The following CHCHD6 variants were observed in gnomAD, a reference collection of about 807,000 sequenced individuals.
The protein encoded by CHCHD6 is coiled-coil-helix-coiled-coil-helix domain containing 6, also known as MICOS complex subunit MIC25.
A neutral mutation model predicts 32.3 loss-of-function variants in CHCHD6; 28 were observed. The observed-to-expected ratio is 0.87, with a 90% CI of 0.64 to 1.19. CHCHD6 has a LOEUF of 1.19. Among genes scored for constraint, CHCHD6 ranks in the 50% most tolerant of loss-of-function variants. CHCHD6 has a pLI of 0.00. For synonymous variants in CHCHD6, 122 were observed against 117.5 expected (o/e 1.04, Z -0.25); for missense variants, 333 against 307.0 (o/e 1.08, Z -0.63).
At position 126,874,650 on chromosome 3, in the gene CHCHD6, C is replaced by T. The variant is rs114840216; in HGVS notation, c.495+21920C>T. 6.8e-3 allele frequency among the ~76,000 whole-genome samples: 1,036 copies of T among 152,318 alleles called. 11 individuals are homozygous for T. Among genetic ancestry groups the T allele is most frequent in the African/African-American group, 0.024 (989 of 41,568 alleles). On this transcript the variant is annotated intron_variant, in intron 5 of 7. Coordinates refer to ENST00000290913, the MANE Select transcript of CHCHD6 (RefSeq NM_032343.3). ...CCTTTCCTTGTATTCAATCAATTCC[C>T]GTACTTCCTAAATATTTATGAACTG... is the stretch of plus-strand genomic sequence containing the variant.
At chr3:126,719,117 T>C (rs1433306249) in intron 1 of CHCHD6, among the ~76,000 whole-genome samples, 3 of 152,166 alleles carry the variant, frequency 2.0e-5, no homozygotes, top group African/African-American at 7.2e-5. Flanking sequence ...TTTACCCTGG[T>C]TGGCCAGGGC....
chr3:126,830,324 G>A (rs528101679), intron 4 of CHCHD6, among the ~76,000 whole-genome samples: 1 of 152,294 alleles, frequency 6.6e-6, no homozygotes, highest in South Asian at 2.1e-4. Context: ...GAGGCCTCTG[G>A]ATCTTATGCC....
At chr3:126,824,509 C>T (rs897360582) in intron 4 of CHCHD6, among the ~76,000 whole-genome samples, 27 of 128,042 alleles carry the variant, frequency 2.1e-4, no homozygotes, top group African/African-American at 7.6e-4. Flanking sequence ...GGCAGTGAGC[C>T]GAGATCAAGC....
At chr3:126,920,660 T>C (rs2078233736) in intron 6 of CHCHD6, among the ~76,000 whole-genome samples, 1 of 152,256 alleles carries the variant, frequency 6.6e-6, no homozygotes, top group South Asian at 2.1e-4. Flanking sequence ...CTCCCTTCTC[T>C]CTGGAATCCT....
intron 5 of CHCHD6, among the ~76,000 whole-genome samples, chr3:126,900,969 T>TAAGCC (rs1364318069): frequency 1.3e-5 from 2 of 152,080 alleles, no homozygotes; most frequent in Non-Finnish European, 2.9e-5. Flanking sequence ...GGGATGGCAC[T>TAAGCC]AAGCCATTCA....
chr3:126,863,997 C>T (rs1375210049), intron 5 of CHCHD6, among the ~76,000 whole-genome samples: 4 of 150,040 alleles, frequency 2.7e-5, no homozygotes, highest in Admixed American at 1.3e-4. Context: ...CCATCACTAC[C>T]TTCTCCCCCA....
At chr3:126,715,740 C>T (rs867878956) in intron 1 of CHCHD6, among the ~76,000 whole-genome samples, 2 of 151,984 alleles carry the variant, frequency 1.3e-5, no homozygotes, top group Non-Finnish European at 2.9e-5. Flanking sequence ...TCCCTCATCC[C>T]TGTTACTTTA....
At chr3:126,792,520 G>A (rs1938603725) in intron 4 of CHCHD6, among the ~76,000 whole-genome samples, 1 of 151,892 alleles carries the variant, frequency 6.6e-6, no homozygotes, top group Non-Finnish European at 1.5e-5. Flanking sequence ...TTTGACCCAT[G>A]GTTTGTTTAG....
At chr3:126,957,652 A>G (rs766211077) in intron 7 of CHCHD6, 101 bp downstream of exon 7, 1 of 1,371,790 alleles carries the variant, frequency 7.3e-7, no homozygotes, top group Admixed American at 2.0e-5. Flanking sequence ...TCCTGTTAGA[A>G]TCAGATGCTC....
chr3:126,869,834 A>G (rs1445475602), intron 5 of CHCHD6, among the ~76,000 whole-genome samples: 1 of 152,194 alleles, frequency 6.6e-6, no homozygotes, highest in Admixed American at 6.5e-5. Context: ...TGTTAATTTG[A>G]TGGACAAAAA....
intron 5 of CHCHD6, among the ~76,000 whole-genome samples, chr3:126,870,356 G>A (rs1224684500): frequency 6.6e-6 from 1 of 152,192 alleles, no homozygotes; most frequent in Non-Finnish European, 1.5e-5. Context: ...GGCTGTTACA[G>A]AACCACACAG....
At chr3:126,743,956 G>A (rs116025724) in intron 4 of CHCHD6, among the ~76,000 whole-genome samples, 4,507 of 152,274 alleles carry the variant, frequency 0.03, 96 homozygotes, top group Non-Finnish European at 0.04. Flanking sequence ...TGGCAGTGAG[G>A]GCACAGGTAG....
Position 126,945,111 on chromosome 3 carries a change from G to A in CHCHD6, c.567-12305G>A, listed in dbSNP as rs189956472. 6.1e-3 allele frequency among the ~76,000 whole-genome samples: 931 copies of A among 152,320 alleles called. 9 individuals carry two copies. The highest frequency in any genetic ancestry group is 0.021 in the African/African-American group (890 of 41,578). ...CTGGTACGATGGAGTTTGTGGAAAAGGCTGGGGAGAAGAGGCCAGGTAGGA... is the reference window on the plus strand; with the variant it reads ...CTGGTACGATGGAGTTTGTGGAAAAAGCTGGGGAGAAGAGGCCAGGTAGGA... On this transcript the variant is annotated intron_variant, in intron 6 of 7. Coordinates refer to ENST00000290913, the MANE Select transcript of CHCHD6 (RefSeq NM_032343.3).
At chr3:126,934,753 G>A (rs1419628102) in intron 6 of CHCHD6, among the ~76,000 whole-genome samples, 2 of 151,956 alleles carry the variant, frequency 1.3e-5, no homozygotes, top group Non-Finnish European at 2.9e-5. Flanking sequence ...GTTTCACCAT[G>A]TTAGCCAGGA....
chr3:126,905,964 A>T (rs890586794), intron 5 of CHCHD6, among the ~76,000 whole-genome samples: 1 of 152,122 alleles, frequency 6.6e-6, no homozygotes, highest in African/African-American at 2.4e-5. Context: ...AAGGAGAATG[A>T]CTGGCAGAGG....
chr3:126,819,182 TC>T (rs1214801574), intron 4 of CHCHD6, among the ~76,000 whole-genome samples: 1 of 152,176 alleles, frequency 6.6e-6, no homozygotes, highest in Non-Finnish European at 1.5e-5. Flanking sequence ...TGGCTTTTTT[TC>T]CAGATTGTTT....
intron 4 of CHCHD6, among the ~76,000 whole-genome samples, chr3:126,814,059 T>G (rs1430449185): frequency 6.6e-6 from 1 of 152,188 alleles, no homozygotes; most frequent in Non-Finnish European, 1.5e-5. Context: ...ACACCCAGAA[T>G]ATTGATGGGT....
rs137914920 is a variant in CHCHD6, at chr3:126,746,716, G to A, written c.411+13494G>A. Among the ~76,000 whole-genome samples, 1,182 of 152,360 alleles carry A rather than the reference G, an allele frequency of 7.8e-3. 12 individuals are homozygous for A. Among genetic ancestry groups the A allele is most frequent in the Non-Finnish European group, 0.011 (758 of 68,036 alleles). ...AAGCAGCCGCGAGGCGGGTGCTTTC[G>A]ATAGCCTATTGTGTGCTTAACCTCT... On this transcript the variant is annotated intron_variant, in intron 4 of 7. Transcript: ENST00000290913.
intron 4 of CHCHD6, among the ~76,000 whole-genome samples, chr3:126,825,780 G>A (rs1304761872): frequency 6.6e-6 from 1 of 152,020 alleles, no homozygotes; most frequent in East Asian, 1.9e-4. Context: ...GCTCTTTATA[G>A]TTAAAGGTGT....
Sources: allele counts gnomAD v4.1 joint callset (sites outside exome capture counted in the v4.1 genomes callset), GRCh38; gene constraint gnomAD v4.1.1; transcripts MANE v1.5; gene names NCBI Gene and HGNC (gene_info 2026-07-23, HGNC 2026-07-21).